The following PRSS48 variants were observed in gnomAD, a reference collection of about 807,000 sequenced individuals.
PRSS48 encodes epidermis-specific serine protease-like protein.
In PRSS48, 21 loss-of-function variants were observed where a neutral mutation model predicts 25.6. The observed-to-expected ratio is 0.82, with a 90% CI of 0.58 to 1.18. The LOEUF is 1.18. Among genes scored for constraint, PRSS48 ranks in the 50% most tolerant of loss-of-function variants. The pLI is 0.00. For synonymous variants in PRSS48, 150 were observed against 149.3 expected, an observed-to-expected ratio of 1.00 and a Z score of -0.04; for missense variants, 373 against 399.3, an observed-to-expected ratio of 0.93 and a Z score of 0.56.
In PRSS48 at chr4:151,282,207, G is replaced by A. The variant is rs1272355796; in HGVS notation, c.275G>A (p.Arg92Lys). The A allele has an allele frequency of 4.3e-6, 7 of 1,613,894 alleles. No homozygotes were observed. In the South Asian group the frequency reaches 7.7e-5, roughly 18 times the overall value. The stretch of plus-strand genomic sequence containing the variant: ...GGATCGATTACAGTAGGTGACTCAA[G>A]GAAACGTGTGAAGTACTACGTGTCC... The change falls in exon 3 of 5, where the codon AGG becomes AAG. Residue 92 changes from arginine to lysine, a missense_variant. Arg to Lys is a conservative substitution (Grantham distance 26, BLOSUM62 2). Transcript: ENST00000455694.
intron 4 of PRSS48, among the ~76,000 whole-genome samples, chr4:151,290,329 T>C (rs1235556267): frequency 6.6e-6 from 1 of 152,132 alleles, no homozygotes; most frequent in Non-Finnish European, 1.5e-5. Flanking sequence ...AAACACCAAG[T>C]GGTACATCCA....
At chr4:151,286,539 C>A (rs1774804872) in intron 4 of PRSS48, among the ~76,000 whole-genome samples, 1 of 150,058 alleles carries the variant, frequency 6.7e-6, no homozygotes. Context: ...CATAACTTAC[C>A]TAAGAAGAAA....
upstream of PRSS48, chr4:151,277,163 G>C (rs754264197): frequency 1.0e-5 from 15 of 1,459,378 alleles, no homozygotes; most frequent in South Asian, 2.9e-5. Context: ...CTGGCTCTGA[G>C]GACAGAGACA....
At chr4:151,281,466 G>T (rs1055035326) in intron 2 of PRSS48, among the ~76,000 whole-genome samples, 1 of 152,118 alleles carries the variant, frequency 6.6e-6, no homozygotes, top group South Asian at 2.1e-4. Flanking sequence ...AGTGGGAGGT[G>T]GGGGGTAGAC....
At chr4:151,291,347 C>T in exon 5 of PRSS48, 1 of 1,613,870 alleles carries the variant, frequency 6.2e-7, no homozygotes, top group Non-Finnish European at 8.5e-7. Flanking sequence ...CCCTCCTGTG[C>T]CTTTGGACCT....
chr4:151,277,300 A>ATGCC, intron 1 of PRSS48, 76 bp downstream of exon 1: 1 of 1,189,778 alleles, frequency 8.4e-7, no homozygotes, highest in Non-Finnish European at 1.1e-6. Flanking sequence ...GAACAATGTG[A>ATGCC]CACTTCACCC....
rs1185217497 is a variant in PRSS48 at position 151,280,097 on chromosome 4, C to T, written c.215+139C>T. The stretch of plus-strand genomic sequence containing the variant: ...ACCCAGGTCATGTCAGACTATCAAA[C>T]CCGAAACAACTAGAGACAGGGCATA... On this transcript the variant is annotated intron_variant, in intron 2 of 4. Transcript: ENST00000455694. 4.0e-6 allele frequency: 4 copies of T among 998,864 alleles called. No homozygotes were observed. The East Asian group carries it at 7.2e-5, about 18-fold the overall frequency. 61.9% of individuals were successfully genotyped at this position (998,864 alleles called of 1,614,324 possible).
chr4:151,279,907 G>A, exon 2 of PRSS48: 1 of 1,613,750 alleles, frequency 6.2e-7, no homozygotes, highest in Middle Eastern at 1.7e-4. Context: ...ATCTGTGGAG[G>A]TTCCCTCGTC....
intron 4 of PRSS48, among the ~76,000 whole-genome samples, chr4:151,287,436 T>A (rs1774917115): frequency 6.6e-6 from 1 of 151,170 alleles, no homozygotes; most frequent in African/African-American, 2.4e-5. Flanking sequence ...ACAAGGAAGC[T>A]ATAGACCAGT....
chr4:151,283,033 A>T, intron 3 of PRSS48, 84 bp from the exon 4 acceptor site: 3 of 1,264,464 alleles, frequency 2.4e-6, no homozygotes, highest in South Asian at 3.1e-5. Flanking sequence ...ATTCCCATTC[A>T]GAGACTTCTG....
intron 3 of PRSS48, 112 bp from the exon 4 acceptor site, chr4:151,283,005 A>AT (rs1274080815): frequency 1.1e-6 from 1 of 873,906 alleles, no homozygotes. Flanking sequence ...TTGGAAAGGC[A>AT]TTGTAAGCTG....
intron 3 of PRSS48, 132 bp from the exon 4 acceptor site, chr4:151,282,985 G>A: frequency 1.4e-6 from 1 of 691,874 alleles, no homozygotes; most frequent in Non-Finnish European, 2.4e-6. Flanking sequence ...CCACCCATAA[G>A]CAAATATGAT....
chr4:151,290,615 G>A (rs1775226860), intron 4 of PRSS48, among the ~76,000 whole-genome samples: 1 of 152,124 alleles, frequency 6.6e-6, no homozygotes, highest in Admixed American at 6.5e-5. Context: ...ATGGGTTGTG[G>A]TGATGGTTGT....
chr4:151,284,812 T>C (rs1774584349), intron 4 of PRSS48, among the ~76,000 whole-genome samples: 1 of 152,234 alleles, frequency 6.6e-6, no homozygotes, highest in Non-Finnish European at 1.5e-5. Flanking sequence ...TCTCCTGTGA[T>C]AGGCATCAGC....
intron 1 of PRSS48, chr4:151,278,954 C>T (rs1276583635): frequency 4.6e-6 from 1 of 217,090 alleles, no homozygotes; most frequent in Non-Finnish European, 9.4e-6. Flanking sequence ...TTTCATTTGT[C>T]TATTGGTTCA....
At chr4:151,282,263 A>G in exon 3 of PRSS48, 1 of 1,614,002 alleles carries the variant, frequency 6.2e-7, no homozygotes, top group Non-Finnish European at 8.5e-7. Flanking sequence ...GTACCAAGAT[A>G]CAACGGCAGA....
At chr4:151,281,412 C>A (rs535427072) in intron 2 of PRSS48, among the ~76,000 whole-genome samples, 1 of 151,990 alleles carries the variant, frequency 6.6e-6, no homozygotes, top group Non-Finnish European at 1.5e-5. Flanking sequence ...ACTGATCTAA[C>A]GAAAAGTTAT....
chr4:151,280,021 G>T (rs1774042794), intron 2 of PRSS48, 63 bp downstream of exon 2: 2 of 1,546,514 alleles, frequency 1.3e-6, no homozygotes, highest in Non-Finnish European at 8.9e-7. Context: ...ATCACTTCAT[G>T]AATGAACCAA....
chr4:151,282,523 GATCA>G, intron 3 of PRSS48, 110 bp downstream of exon 3: 1 of 1,071,266 alleles, frequency 9.3e-7, no homozygotes, highest in East Asian at 2.5e-5. Context: ...AACAAAACCA[GATCA>G]ATCTAATGAT....
Sources: gnomAD v4.1 joint callset for allele counts (sites outside exome capture counted in the v4.1 genomes callset) on GRCh38, gnomAD v4.1.1 for gene constraint, MANE v1.5 for transcripts, NCBI Gene and HGNC (gene_info 2026-07-23, HGNC 2026-07-21) for gene names.